Variants in PPP2R2C observed in about 807,000 individuals in gnomAD.
The protein encoded by PPP2R2C is protein phosphatase 2 regulatory subunit Bgamma, also known as protein phosphatase 2, regulatory subunit B, gamma.
PPP2R2C carries 10 observed loss-of-function variants against 45.3 expected under a neutral mutation model. The observed-to-expected ratio is 0.22, with a 90% CI of 0.14 to 0.37. The LOEUF (loss-of-function observed/expected upper bound fraction) is 0.37, where lower values mean the gene tolerates loss of function less well. Among genes scored for constraint, PPP2R2C ranks in the 10% least tolerant of loss-of-function variants. The probability of loss-of-function intolerance (pLI) is 1.00; values close to 1 mark genes in which losing one functional copy is unlikely to be tolerated. For synonymous variants in PPP2R2C, 257 were observed against 245.4 expected, an observed-to-expected ratio of 1.05 and a Z score of -0.44; for missense variants, 308 against 619.7, an observed-to-expected ratio of 0.50 and a Z score of 5.34.
intron 5 of PPP2R2C, among the ~76,000 whole-genome samples, chr4:6,371,628 G>C (rs1336319443): frequency 2.0e-5 from 3 of 152,200 alleles, no homozygotes; most frequent in African/African-American, 4.8e-5. Flanking sequence ...CTGGGTTTCA[G>C]GCCCAGCTTT....
At chr4:6,408,336 C>T (rs11737674) in intron 1 of PPP2R2C, among the ~76,000 whole-genome samples, 39,485 of 152,096 alleles carry the variant, frequency 0.26, 5,705 homozygotes, top group East Asian at 0.68. Flanking sequence ...CCTTCCCTGG[C>T]GCCTAACTAC....
At chr4:6,413,648 C>T (rs1033312631) in intron 1 of PPP2R2C, among the ~76,000 whole-genome samples, 4 of 152,226 alleles carry the variant, frequency 2.6e-5, no homozygotes, top group Admixed American at 6.5e-5. Context: ...GCCTGCACCA[C>T]AGCACTCACC....
chr4:6,507,009 G>T (rs187377013), intron 2 of PPP2R2C, among the ~76,000 whole-genome samples: 26 of 152,302 alleles, frequency 1.7e-4, no homozygotes, highest in Admixed American at 1.6e-3. Context: ...TTCTTATGAT[G>T]CAGCCTCAGA....
chr4:6,559,395 GCACACACACACA>G (rs58400617), intron 1 of PPP2R2C, among the ~76,000 whole-genome samples: 44,902 of 144,762 alleles, frequency 0.31, 8,150 homozygotes, highest in East Asian at 0.5. Context: ...AAAATACACA[GCACACACACACA>G]CACACACACA....
intron 5 of PPP2R2C, among the ~76,000 whole-genome samples, chr4:6,371,345 C>T (rs1356275300): frequency 6.6e-6 from 1 of 152,222 alleles, no homozygotes; most frequent in Non-Finnish European, 1.5e-5. Flanking sequence ...TCTCAGACCA[C>T]AAAAGCCATT....
intron 5 of PPP2R2C, among the ~76,000 whole-genome samples, chr4:6,367,702 A>G (rs941784425): frequency 2.6e-5 from 4 of 152,144 alleles, no homozygotes; most frequent in Non-Finnish European, 4.4e-5. Context: ...TTCTCTGCCA[A>G]GTAAGGCTTC....
chr4:6,357,846 C>G (rs1351061638), intron 5 of PPP2R2C, among the ~76,000 whole-genome samples: 1 of 152,198 alleles, frequency 6.6e-6, no homozygotes, highest in Non-Finnish European at 1.5e-5. Context: ...AAGTCTGCAG[C>G]CATCCCTTCC....
intron 1 of PPP2R2C, among the ~76,000 whole-genome samples, chr4:6,400,278 T>C (rs2109348305): frequency 6.6e-6 from 1 of 152,310 alleles, no homozygotes; most frequent in Middle Eastern, 3.4e-3. Context: ...CATCATCTAT[T>C]AAGCTAGAGA....
chr4:6,382,250 G>T, intron 1 of PPP2R2C: 1 of 1,224,612 alleles, frequency 8.2e-7, no homozygotes, highest in East Asian at 5.7e-5. Flanking sequence ...ATGGCCCGCT[G>T]CTGTGAATGG....
intron 1 of PPP2R2C, among the ~76,000 whole-genome samples, chr4:6,545,790 T>G (rs1229857898): frequency 2.0e-5 from 3 of 152,238 alleles, no homozygotes; most frequent in African/African-American, 7.2e-5. Flanking sequence ...GTAAACACAG[T>G]AAGGCAACGT....
intron 5 of PPP2R2C, among the ~76,000 whole-genome samples, chr4:6,354,309 C>T (rs60374611): frequency 0.09 from 13,639 of 152,056 alleles, 1,848 homozygotes; most frequent in African/African-American, 0.29. Context: ...CTTCTCCCTC[C>T]ATACCCGCCA....
At chr4:6,487,223 G>C (rs557331591) in intron 2 of PPP2R2C, among the ~76,000 whole-genome samples, 7 of 151,788 alleles carry the variant, frequency 4.6e-5, no homozygotes, top group African/African-American at 1.7e-4. Context: ...ATTATTTTGT[G>C]TCAAGAGCCA....
chr4:6,341,524 G>A (rs1733446205), intron 6 of PPP2R2C, among the ~76,000 whole-genome samples: 1 of 152,120 alleles, frequency 6.6e-6, no homozygotes, highest in African/African-American at 2.4e-5. Context: ...GTGCTTCAAT[G>A]TAGCAGAGAA....
chr4:6,510,953 G>A (rs7676217), intron 2 of PPP2R2C, among the ~76,000 whole-genome samples: 11,182 of 134,664 alleles, frequency 0.083, 812 homozygotes, highest in African/African-American at 0.21. Flanking sequence ...CTCCAGCCTC[G>A]GCAACAGAGT....
intron 2 of PPP2R2C, among the ~76,000 whole-genome samples, chr4:6,503,278 C>T (rs1438320578): frequency 6.6e-6 from 1 of 152,196 alleles, no homozygotes; most frequent in African/African-American, 2.4e-5. Flanking sequence ...GCCACTGTTC[C>T]CTCTGCCTAA....
chr4:6,490,940 C>T (rs2108785511), intron 2 of PPP2R2C, among the ~76,000 whole-genome samples: 1 of 152,306 alleles, frequency 6.6e-6, no homozygotes, highest in Non-Finnish European at 1.5e-5. Context: ...CCAGGTCACA[C>T]ATGAGCAGTG....
intron 1 of PPP2R2C, among the ~76,000 whole-genome samples, chr4:6,562,582 C>A (rs1279755614): frequency 2.0e-5 from 3 of 152,158 alleles, no homozygotes; most frequent in Admixed American, 6.5e-5. Flanking sequence ...CCATCACCCA[C>A]CTCACTGGGC....
intron 2 of PPP2R2C, among the ~76,000 whole-genome samples, chr4:6,484,137 G>A (rs1026968342): frequency 6.6e-6 from 1 of 151,912 alleles, no homozygotes; most frequent in African/African-American, 2.4e-5. Context: ...TTTATATTGA[G>A]ATCTATGATC....
rs866645090 is a variant in PPP2R2C, at chr4:6,511,459, A to G, written c.49+23812T>C. 2.2e-3 allele frequency among the ~76,000 whole-genome samples: 123 copies of G among 57,082 alleles called. 2 individuals carry two copies. Among genetic ancestry groups the G allele is most frequent in the African/African-American group, 6.0e-3 (69 of 11,572 alleles). 37.4% of individuals were successfully genotyped at this position (57,082 alleles called of 152,430 possible). A position where few individuals can be genotyped will look rare whatever the true frequency, so the allele number is the denominator to read the frequency against. On this transcript the variant is annotated intron_variant, in intron 2 of 9. Transcript: ENST00000506140. ...GGTGGTGACGGTGGTGGTGGTGATG[A>G]TGACGGTGGTGGTGGTGATGGCGGT... is the stretch of plus-strand genomic sequence containing the variant.
Sources: gnomAD v4.1 joint callset for allele counts (sites outside exome capture counted in the v4.1 genomes callset) on GRCh38, gnomAD v4.1.1 for gene constraint, MANE v1.5 for transcripts, NCBI Gene and HGNC (gene_info 2026-07-23, HGNC 2026-07-21) for gene names.